LRBA: variants seen among roughly 807,000 people sequenced by gnomAD.
The protein encoded by LRBA is LPS responsive beige-like anchor protein.
LRBA carries 176 observed loss-of-function variants against 330.0 expected under a neutral mutation model. That is an observed-to-expected ratio of 0.53 (90% CI 0.47 to 0.60). The LOEUF is 0.60. Ranked by LOEUF, LRBA falls within the 20% of genes least tolerant of loss-of-function variation. The probability of loss-of-function intolerance (pLI) is 0.00; values close to 1 mark genes in which losing one functional copy is unlikely to be tolerated. For missense variants in LRBA, 3,259 were observed against 3,444.8 expected, an observed-to-expected ratio of 0.95 and a Z score of 1.35; for synonymous variants, 1,230 against 1,193.0, an observed-to-expected ratio of 1.03 and a Z score of -0.64.
At chr4:150,918,821 C>T (rs1186936139) in intron 5 of LRBA, among the ~76,000 whole-genome samples, 1 of 152,152 alleles carries the variant, frequency 6.6e-6, no homozygotes, top group Admixed American at 6.5e-5. Flanking sequence ...TTATACATTG[C>T]TGTGGGATCG....
At chr4:150,420,444 T>TTATAGTATAAAGTATATATAATATAC (rs1561151192) in intron 46 of LRBA, among the ~76,000 whole-genome samples, 1 of 80,978 alleles carries the variant, frequency 1.2e-5, no homozygotes, top group Non-Finnish European at 2.5e-5. Flanking sequence ...ATATAATACA[T>TTATAGTATAAAGTATATATAATATAC]ATATAATATA....
chr4:150,330,538 C>T (rs562005299), intron 48 of LRBA, among the ~76,000 whole-genome samples: 45 of 152,190 alleles, frequency 3.0e-4, no homozygotes, highest in Admixed American at 1.3e-4. Context: ...GGGATGAAAC[C>T]GTTTTACCTG....
At chr4:150,299,991 T>C (rs1254802944) in intron 53 of LRBA, among the ~76,000 whole-genome samples, 1 of 144,970 alleles carries the variant, frequency 6.9e-6, no homozygotes, top group East Asian at 1.9e-4. Flanking sequence ...AGCAGCTGCA[T>C]TGTGGAACCA....
chr4:151,014,824 C>G lies in LRBA; in HGVS notation c.-182G>C. ...CCTCCTCCTCTTGGAGAATATTTGT[C>G]CAATCTCTCTCCCCGAGGCTGACAA... is the stretch of plus-strand genomic sequence containing the variant. On this transcript the variant is annotated 5_prime_UTR_variant, in exon 2 of 57. Coordinates refer to ENST00000651943, the MANE Select transcript of LRBA (RefSeq NM_001364905.1). The G allele has an allele frequency of 1.8e-6, 1 of 570,594 alleles. No homozygotes were observed. The allele number at this position is 570,594 out of a possible 1,614,324, so 35.3% of individuals were successfully genotyped here.
chr4:150,588,253 A>T (rs2126439721), intron 39 of LRBA, 69 bp from the exon 40 acceptor site: 1 of 1,483,688 alleles, frequency 6.7e-7, no homozygotes, highest in East Asian at 2.3e-5. Flanking sequence ...TTCGACCAGA[A>T]ATTGTATTTA....
chr4:150,631,431 C>T (rs1777367431), intron 37 of LRBA, among the ~76,000 whole-genome samples: 1 of 152,026 alleles, frequency 6.6e-6, no homozygotes, highest in Non-Finnish European at 1.5e-5. Context: ...AATTTAGGAA[C>T]ATGTTAAGTT....
At chr4:150,398,629 CTT>C (rs2151922624) in intron 47 of LRBA, among the ~76,000 whole-genome samples, 1 of 142,318 alleles carries the variant, frequency 7.0e-6, no homozygotes, top group Admixed American at 6.9e-5. Context: ...AATTTTCTTT[CTT>C]TCTTTTTTTT....
intron 56 of LRBA, among the ~76,000 whole-genome samples, chr4:150,275,862 T>C (rs1258475908): frequency 6.6e-6 from 1 of 152,178 alleles, no homozygotes; most frequent in African/African-American, 2.4e-5. Context: ...CCAAAGTAAT[T>C]TATAGAGTCA....
chr4:150,810,810 C>T (rs1002917001), intron 31 of LRBA, among the ~76,000 whole-genome samples: 1 of 152,226 alleles, frequency 6.6e-6, no homozygotes, highest in East Asian at 1.9e-4. Context: ...TTATGTTGCC[C>T]AGGCGGGTCT....
chr4:150,503,983 A>G (rs1036235129), intron 40 of LRBA, among the ~76,000 whole-genome samples: 1 of 152,244 alleles, frequency 6.6e-6, no homozygotes, highest in African/African-American at 2.4e-5. Context: ...ACTGGAAGAA[A>G]GGGTATCAGT....
intron 38 of LRBA, among the ~76,000 whole-genome samples, chr4:150,592,144 G>GGT (rs1772932507): frequency 3.1e-5 from 2 of 65,166 alleles, no homozygotes; most frequent in Admixed American, 2.4e-4. Context: ...GATGGCTAGG[G>GGT]TTTTTTTTTT....
chr4:150,777,919 A>G (rs1737618414), intron 34 of LRBA, among the ~76,000 whole-genome samples: 1 of 139,862 alleles, frequency 7.1e-6, no homozygotes, highest in Admixed American at 8.1e-5. Flanking sequence ...GGTTGCAGTG[A>G]GCCAAGATCA....
chr4:150,780,693 A>C (rs961136986), intron 34 of LRBA, among the ~76,000 whole-genome samples: 1 of 150,252 alleles, frequency 6.7e-6, no homozygotes. Flanking sequence ...ATGCATACCA[A>C]GTATAATACA....
chr4:150,412,740 T>G (rs2151947316), intron 47 of LRBA, among the ~76,000 whole-genome samples: 1 of 152,052 alleles, frequency 6.6e-6, no homozygotes, highest in East Asian at 1.9e-4. Context: ...GACTTAAAAT[T>G]TCAAGTCATA....
At position 150,849,610 on chromosome 4, in the gene LRBA, T is replaced by C. The variant is rs1455027161; in HGVS notation, c.4005-35A>G. On this transcript the variant is annotated intron_variant, in intron 24 of 56. Transcript: ENST00000651943. The stretch of plus-strand genomic sequence containing the variant: ...GATAAATGATATTTACTGATAAAGC[T>C]AAAGAAAGGAAATCACAGTTTGCCT... 4 of 1,570,130 alleles carry C rather than the reference T, an allele frequency of 2.5e-6. No individual in the cohort carries two copies. In the Admixed American group the frequency reaches 6.8e-5, roughly 27 times the overall value.
chr4:150,998,931 C>G (rs1306302070), intron 2 of LRBA, among the ~76,000 whole-genome samples: 1 of 152,150 alleles, frequency 6.6e-6, no homozygotes, highest in Non-Finnish European at 1.5e-5. Context: ...TCAATTGTAG[C>G]CTAAGTTGGT....
At chr4:150,339,324 T>C (rs1243604912) in intron 48 of LRBA, among the ~76,000 whole-genome samples, 1 of 152,188 alleles carries the variant, frequency 6.6e-6, no homozygotes, top group Non-Finnish European at 1.5e-5. Context: ...AAGATCATTA[T>C]AGACGGTCAG....
rs370659974 is a variant in LRBA, at chr4:150,864,555, G to A, written c.2766+3116C>T. 1.1e-4 allele frequency among the ~76,000 whole-genome samples: 17 copies of A among 151,150 alleles called. No homozygotes were observed. The East Asian group carries it at 3.3e-3, about 29-fold the overall frequency. ...TGTTGCATATATTGGTTTGGCTGAA[G>A]TATATAAAGAAAATCCACCCTCATA... is the stretch of plus-strand genomic sequence containing the variant. On this transcript the variant is annotated intron_variant, in intron 22 of 56. Transcript: ENST00000651943.
In LRBA at chr4:150,828,353, A is replaced by G. The variant is rs1746591132; in HGVS notation, c.4998T>C (p.Ala1666=). Residue 1666 remains alanine, a synonymous_variant, in exon 30 of 57, where the codon GCT becomes GCC. Transcript: ENST00000651943. The stretch of plus-strand genomic sequence containing the variant: ...TTTTTGAAACTGAAACTGACGGTGT[A>G]GCCTTAGTGTCCAAGTCATTTCCTC... ...NDRGNDLDTK[A]TPSVSVSKNV... The G allele has an allele frequency of 6.2e-7, 1 of 1,614,130 alleles. No homozygotes were observed. Among genetic ancestry groups the G allele is most frequent in the Non-Finnish European group, 8.5e-7 (1 of 1,180,016 alleles).
Sources: allele counts gnomAD v4.1 joint callset (sites outside exome capture counted in the v4.1 genomes callset), GRCh38; gene constraint gnomAD v4.1.1; transcripts MANE v1.5; gene names NCBI Gene and HGNC (gene_info 2026-07-23, HGNC 2026-07-21).